The following MASP1 variants were observed in gnomAD, a reference collection of about 807,000 sequenced individuals.
MASP1 encodes mannan-binding lectin serine protease 1.
In MASP1, 59 loss-of-function variants were observed where a neutral mutation model predicts 77.1. That is an observed-to-expected ratio of 0.77 (90% CI 0.62 to 0.95). The LOEUF (loss-of-function observed/expected upper bound fraction) is 0.95. Ranked by LOEUF, MASP1 falls within the 40% of genes least tolerant of loss-of-function variation. MASP1 has a pLI of 0.00. For missense variants in MASP1, 885 were observed against 912.9 expected (o/e 0.97, Z 0.39); for synonymous variants, 362 against 354.5 (o/e 1.02, Z -0.24).
intron 1 of MASP1, among the ~76,000 whole-genome samples, chr3:187,287,201 G>A (rs2108613777): frequency 6.6e-6 from 1 of 152,322 alleles, no homozygotes. Flanking sequence ...TGGGATGGCT[G>A]TTGAGGCCCT....
chr3:187,233,572 C>T (rs144914608), downstream of MASP1, among the ~76,000 whole-genome samples: 2 of 152,342 alleles, frequency 1.3e-5, no homozygotes, highest in African/African-American at 2.4e-5. Flanking sequence ...GCTTGTCTTG[C>T]ATGCCAGTTT....
intron 1 of MASP1, among the ~76,000 whole-genome samples, chr3:187,290,061 T>C (rs1281220627): frequency 6.6e-6 from 1 of 152,160 alleles, no homozygotes; most frequent in Non-Finnish European, 1.5e-5. Flanking sequence ...TGGTAGGAAA[T>C]AGACATTATG....
rs768262922 is a variant in MASP1, at chr3:187,236,308, G to A, written c.1563C>T (p.Gly521=). The A allele has an allele frequency of 5.0e-6, 8 of 1,614,276 alleles. No homozygotes were observed. Among genetic ancestry groups the A allele is most frequent in the Middle Eastern group, 1.6e-4 (1 of 6,062 alleles). The part of the protein sequence containing the change: ...VSKEHVTVYL[G]LHDVRDKSGA... ...CCGATTTGTCTCGCACATCATGCAA[G>A]CCCAGGTAGACGGTGACATGCTCCT... is the stretch of plus-strand genomic sequence containing the variant. Residue 521 remains glycine (G), a synonymous_variant, in exon 11 of 11, where the codon GGC becomes GGT. Transcript: ENST00000296280.
downstream of MASP1, chr3:187,229,876 G>A (rs753799983): frequency 7.7e-5 from 125 of 1,614,034 alleles, no homozygotes; most frequent in Non-Finnish European, 9.7e-5. Flanking sequence ...CAGCTTCCGG[G>A]AGAACTTGGG....
rs141471565 is a variant in MASP1, at chr3:187,260,927, G to A, written c.416-55C>T. 4.4e-4 allele frequency: 705 copies of A among 1,608,000 alleles called. 4 individuals carry two copies. The African/African-American group carries it at 8.8e-3, about 20-fold the overall frequency. On this transcript the variant is annotated intron_variant, in intron 3 of 10. Coordinates refer to ENST00000296280, the MANE Select transcript of MASP1 (RefSeq NM_139125.4). ...TACATGCATGATGATGAAGACTACA[G>A]CCAACATTTATAGAGCACTTGATAT...
chr3:187,229,887 G>T (rs144119038), downstream of MASP1: 41 of 1,614,030 alleles, frequency 2.5e-5, no homozygotes, highest in Non-Finnish European at 3.2e-5. Flanking sequence ...AGAACTTGGG[G>T]AGCCCACACA....
Position 187,235,685 on chromosome 3 carries a change from C to T in MASP1, c.2186G>A (p.Ter729=), listed in dbSNP as rs139251847. The T allele has an allele frequency of 6.2e-6, 10 of 1,613,978 alleles. No homozygotes were observed. In the East Asian group the frequency reaches 8.9e-5, roughly 14 times the overall value. The change falls in exon 11 of 11, where the codon TGA becomes TAA. Residue 729 remains the stop codon, a stop_retained_variant. Transcript: ENST00000296280. ...CAGGCCCCGAGGAAGTAAGTCAGCT[C>T]ACCGTTCCACCTGGGGCTCCACAAC... ...QSVVEPQVER[*]
intron 8 of MASP1, chr3:187,247,439 A>T: frequency 6.3e-7 from 1 of 1,594,404 alleles, no homozygotes. Context: ...GGAAGGAAGC[A>T]GAGAGAGGAA....
At chr3:187,247,281 G>T in intron 8 of MASP1, 11 of 1,613,928 alleles carry the variant, frequency 6.8e-6, no homozygotes, top group African/African-American at 1.3e-5. Flanking sequence ...GGCCCCAGGG[G>T]TCTTGGGAGT....
chr3:187,261,972 C>G (rs901059221), intron 3 of MASP1, among the ~76,000 whole-genome samples: 2 of 152,152 alleles, frequency 1.3e-5, no homozygotes. Context: ...TCCTCACCCC[C>G]AAAATGTATT....
intron 2 of MASP1, among the ~76,000 whole-genome samples, chr3:187,267,166 T>C (rs945140963): frequency 2.6e-5 from 4 of 152,074 alleles, no homozygotes; most frequent in African/African-American, 9.7e-5. Flanking sequence ...ATCTAGTGAG[T>C]GGTGGATCCA....
downstream of MASP1, among the ~76,000 whole-genome samples, chr3:187,233,717 G>A (rs1055542045): frequency 1.8e-4 from 27 of 152,170 alleles, no homozygotes; most frequent in African/African-American, 6.5e-4. Flanking sequence ...CATACTGCAG[G>A]GCATCTGACA....
chr3:187,291,050 C>T (rs1049125865), intron 1 of MASP1, among the ~76,000 whole-genome samples: 3 of 151,626 alleles, frequency 2.0e-5, no homozygotes, highest in African/African-American at 4.9e-5. Context: ...TTCATGCCAC[C>T]AGCTGCCTCT....
At chr3:187,239,585 G>A (rs1464729784) in intron 10 of MASP1, among the ~76,000 whole-genome samples, 1 of 152,038 alleles carries the variant, frequency 6.6e-6, no homozygotes, top group Admixed American at 6.6e-5. Flanking sequence ...TTGCTCACAT[G>A]GTCTTTTAGC....
chr3:187,243,096 C>A (rs1470336085), intron 9 of MASP1: 9 of 313,086 alleles, frequency 2.9e-5, no homozygotes, highest in Non-Finnish European at 4.9e-5. Context: ...TTTGGAAACC[C>A]CAACTCAGCC....
chr3:187,239,047 T>C (rs958227336), intron 10 of MASP1, among the ~76,000 whole-genome samples: 1 of 152,152 alleles, frequency 6.6e-6, no homozygotes, highest in African/African-American at 2.4e-5. Context: ...TGATGACCAT[T>C]AAAAGTCATA....
chr3:187,267,799 T>G (rs188532289), intron 2 of MASP1, among the ~76,000 whole-genome samples: 1 of 152,368 alleles, frequency 6.6e-6, no homozygotes, highest in Admixed American at 6.5e-5. Context: ...CCCTTGCAGA[T>G]GCCAATATTT....
At chr3:187,239,580 C>T (rs1052421811) in intron 10 of MASP1, among the ~76,000 whole-genome samples, 2 of 151,998 alleles carry the variant, frequency 1.3e-5, no homozygotes, top group African/African-American at 4.8e-5. Flanking sequence ...TTTTTTTGCT[C>T]ACATGGTCTT....
chr3:187,235,122 A>T lies in MASP1; in HGVS notation c.*562T>A, dbSNP rs1367578245. ...GAAACCCCAGGCATGAAGGTGCTCC[A>T]AGGGATCACACTAAGAGAGAGGGGC... is the stretch of plus-strand genomic sequence containing the variant. On this transcript the variant is annotated 3_prime_UTR_variant, in exon 11 of 11. Transcript: ENST00000296280. The T allele has an allele frequency of 7.8e-7, 1 of 1,287,392 alleles. No homozygotes were observed. Among genetic ancestry groups the T allele is most frequent in the Non-Finnish European group, 1.0e-6 (1 of 988,784 alleles). The allele number at this position is 1,287,392 out of a possible 1,614,324, so 79.7% of individuals were successfully genotyped here. A position where few individuals can be genotyped will look rare whatever the true frequency, so the allele number is the denominator to read the frequency against.
Sources: gnomAD v4.1 joint callset for allele counts (sites outside exome capture counted in the v4.1 genomes callset) on GRCh38, gnomAD v4.1.1 for gene constraint, MANE v1.5 for transcripts, NCBI Gene and HGNC (gene_info 2026-07-23, HGNC 2026-07-21) for gene names.